Variants in ZNF277 observed in about 807,000 individuals in gnomAD.
ZNF277 encodes nuclear receptor-interacting factor 4.
A neutral mutation model predicts 60.7 loss-of-function variants in ZNF277; 55 were observed. The ratio of observed to expected loss-of-function variants is 0.91; its 90% confidence interval spans 0.73 to 1.13. The LOEUF (loss-of-function observed/expected upper bound fraction) is 1.13. Among genes scored for constraint, ZNF277 ranks in the 50% most tolerant of loss-of-function variants. The pLI is 0.00. For synonymous variants in ZNF277, 178 were observed against 179.3 expected (o/e 0.99, Z 0.06); for missense variants, 510 against 523.0 (o/e 0.98, Z 0.24).
chr7:112,338,532 C>T (rs536847382), intron 9 of ZNF277, among the ~76,000 whole-genome samples: 4 of 152,098 alleles, frequency 2.6e-5, no homozygotes, highest in East Asian at 3.9e-4. Context: ...GATATCTCTC[C>T]GTCCCCTCCC....
At chr7:112,254,036 C>T (rs1791251683) in intron 1 of ZNF277, among the ~76,000 whole-genome samples, 2 of 152,340 alleles carry the variant, frequency 1.3e-5, no homozygotes, top group African/African-American at 4.8e-5. Flanking sequence ...CAGAGCATCT[C>T]TGTTAAAATA....
intron 4 of ZNF277, among the ~76,000 whole-genome samples, chr7:112,312,855 TA>T (rs1792762795): frequency 6.6e-6 from 1 of 152,110 alleles, no homozygotes; most frequent in Admixed American, 6.5e-5. Context: ...TTTCAACAAA[TA>T]AAGGAGAGCT....
intron 1 of ZNF277, among the ~76,000 whole-genome samples, chr7:112,278,428 T>C (rs1791863958): frequency 6.6e-6 from 1 of 152,216 alleles, no homozygotes; most frequent in African/African-American, 2.4e-5. Context: ...TCAGTGCATA[T>C]GATGCCCATC....
chr7:112,236,316 A>C (rs1790784245), intron 1 of ZNF277, among the ~76,000 whole-genome samples: 1 of 152,084 alleles, frequency 6.6e-6, no homozygotes, highest in African/African-American at 2.4e-5. Flanking sequence ...AGTCTCTTGA[A>C]ATTTATTCTT....
chr7:112,262,247 C>CAAAAAAAAAA (rs376386868), intron 1 of ZNF277, among the ~76,000 whole-genome samples: 3 of 77,670 alleles, frequency 3.9e-5, no homozygotes, highest in Non-Finnish European at 5.8e-5. Context: ...AAAAGCAATA[C>CAAAAAAAAAA]AAAAAAAAAA....
chr7:112,220,247 C>T (rs921216732), intron 1 of ZNF277, among the ~76,000 whole-genome samples: 1 of 151,746 alleles, frequency 6.6e-6, no homozygotes, highest in Non-Finnish European at 1.5e-5. Context: ...ATAGTTTTCC[C>T]TGTACAGATC....
chr7:112,339,588 GGATTATAGGCGT>G (rs1793403530), intron 9 of ZNF277, among the ~76,000 whole-genome samples: 2 of 152,304 alleles, frequency 1.3e-5, no homozygotes, highest in Non-Finnish European at 2.9e-5. Flanking sequence ...CAAAGTGCTG[GGATTATAGGCGT>G]GAGCCACCGC....
intron 1 of ZNF277, among the ~76,000 whole-genome samples, chr7:112,246,719 T>A (rs941848892): frequency 6.6e-6 from 1 of 152,214 alleles, no homozygotes; most frequent in Non-Finnish European, 1.5e-5. Context: ...AGCAGATTTA[T>A]GTGGAAGCAG....
intron 10 of ZNF277, 52 bp from the exon 11 acceptor site, chr7:112,340,819 CA>C (rs1793428887): frequency 2.0e-6 from 3 of 1,519,700 alleles, no homozygotes; most frequent in East Asian, 2.3e-5. Context: ...TATAATAGTG[CA>C]AAAAATGGGT....
At position 112,292,799 on chromosome 7, in the gene ZNF277, C is replaced by T. The variant is rs188639693; in HGVS notation, c.294-3070C>T. ...CTATCATCATTCTTCTCTTCTACCACTTTAGCCACCTATATGTGCCCTCTG... is the reference window on the plus strand; with the variant it reads ...CTATCATCATTCTTCTCTTCTACCATTTTAGCCACCTATATGTGCCCTCTG... On this transcript the variant is annotated intron_variant, in intron 2 of 11. Coordinates refer to ENST00000361822, the MANE Select transcript of ZNF277 (RefSeq NM_021994.3). Among the ~76,000 whole-genome samples, 84 of 152,294 alleles carry T rather than the reference C, an allele frequency of 5.5e-4. No homozygotes were observed. In the Middle Eastern group the frequency reaches 0.01, roughly 19 times the overall value.
intron 1 of ZNF277, among the ~76,000 whole-genome samples, chr7:112,223,489 G>A (rs1047836125): frequency 2.0e-5 from 3 of 152,210 alleles, no homozygotes; most frequent in Non-Finnish European, 4.4e-5. Flanking sequence ...TTTTGGAAGA[G>A]GCCCAAATCC....
rs536798434 is a variant in ZNF277 at position 112,235,422 on chromosome 7, C to T, written c.91+28615C>T. Among the ~76,000 whole-genome samples, 73 of 152,186 alleles carry T rather than the reference C, an allele frequency of 4.8e-4. No homozygotes were observed. In the South Asian group the frequency reaches 5.2e-3, roughly 11 times the overall value. ...CTAATTCTCCACATCTTCACCAACA[C>T]TTGTTATTAGTTTTTTTACTATAGC... On this transcript the variant is annotated intron_variant, in intron 1 of 11. Coordinates refer to ENST00000361822, the MANE Select transcript of ZNF277 (RefSeq NM_021994.3).
chr7:112,246,360 C>G (rs1336164605), intron 1 of ZNF277, among the ~76,000 whole-genome samples: 1 of 152,144 alleles, frequency 6.6e-6, no homozygotes, highest in African/African-American at 2.4e-5. Flanking sequence ...TGCCACTGCA[C>G]TCCAGCCTCG....
chr7:112,301,133 A>C (rs1406468719), intron 4 of ZNF277, among the ~76,000 whole-genome samples: 1 of 151,740 alleles, frequency 6.6e-6, no homozygotes. Context: ...CCCAGGCTGG[A>C]GTACAGTGGC....
chr7:112,263,735 A>G (rs908720278), intron 1 of ZNF277, among the ~76,000 whole-genome samples: 12 of 152,256 alleles, frequency 7.9e-5, no homozygotes, highest in African/African-American at 2.9e-4. Context: ...AGTAGATATC[A>G]TTTGCTTTCC....
intron 9 of ZNF277, among the ~76,000 whole-genome samples, chr7:112,339,328 C>A (rs1793396681): frequency 6.6e-6 from 1 of 152,074 alleles, no homozygotes. Context: ...AATGTTGTTG[C>A]TGTTCTTTGA....
chr7:112,292,586 C>T (rs1056951546), intron 2 of ZNF277, among the ~76,000 whole-genome samples: 1 of 152,084 alleles, frequency 6.6e-6, no homozygotes, highest in Non-Finnish European at 1.5e-5. Context: ...CTGTCCCTGC[C>T]TTCCCTTTTC....
chr7:112,210,323 A>C (rs1240833269), intron 1 of ZNF277, among the ~76,000 whole-genome samples: 1 of 152,054 alleles, frequency 6.6e-6, no homozygotes, highest in Non-Finnish European at 1.5e-5. Flanking sequence ...TCTCTGCTAG[A>C]GTGAGTCAGT....
intron 1 of ZNF277, among the ~76,000 whole-genome samples, chr7:112,259,001 T>C (rs1587125428): frequency 6.6e-6 from 1 of 152,290 alleles, no homozygotes; most frequent in South Asian, 2.1e-4. Context: ...AATAGTATTC[T>C]CCCTGATACC....
Sources: gnomAD v4.1 joint callset for allele counts (sites outside exome capture counted in the v4.1 genomes callset) on GRCh38, gnomAD v4.1.1 for gene constraint, MANE v1.5 for transcripts, NCBI Gene and HGNC (gene_info 2026-07-23, HGNC 2026-07-21) for gene names.